Variants in LRRC4C observed in about 807,000 individuals in gnomAD.
LRRC4C encodes the protein leucine-rich repeat-containing protein 4C.
LRRC4C carries 5 observed loss-of-function variants against 33.6 expected under a neutral mutation model. That is an observed-to-expected ratio of 0.15 (90% CI 0.08 to 0.31). The LOEUF is 0.31. Ranked by LOEUF, LRRC4C falls within the 10% of genes least tolerant of loss-of-function variation. LRRC4C has a pLI of 1.00. For synonymous variants in LRRC4C, 329 were observed against 302.0 expected (o/e 1.09, Z -0.93); for missense variants, 560 against 796.7 (o/e 0.70, Z 3.58).
At chr11:41,164,999 A>T (rs1187479696) in intron 1 of LRRC4C, among the ~76,000 whole-genome samples, 1 of 152,084 alleles carries the variant, frequency 6.6e-6, no homozygotes, top group African/African-American at 2.4e-5. Context: ...GCTCTCCATT[A>T]TCTCAAGTAG....
intron 1 of LRRC4C, among the ~76,000 whole-genome samples, chr11:41,401,060 T>A (rs1296964552): frequency 3.3e-5 from 5 of 151,778 alleles, no homozygotes; most frequent in Non-Finnish European, 5.9e-5. Context: ...TATTGTAATA[T>A]GATAAAGAGA....
intron 2 of LRRC4C, among the ~76,000 whole-genome samples, chr11:40,683,068 C>A (rs554354952): frequency 1.3e-5 from 2 of 152,152 alleles, no homozygotes; most frequent in Non-Finnish European, 2.9e-5. Context: ...TGATAACATA[C>A]GAGGAGAATA....
At chr11:40,939,079 A>G (rs1421328086) in intron 1 of LRRC4C, among the ~76,000 whole-genome samples, 2 of 152,196 alleles carry the variant, frequency 1.3e-5, no homozygotes, top group Non-Finnish European at 2.9e-5. Flanking sequence ...TTATTCTGTG[A>G]TGATACATAT....
At chr11:40,409,740 A>G (rs1392179423) in intron 3 of LRRC4C, among the ~76,000 whole-genome samples, 1 of 152,038 alleles carries the variant, frequency 6.6e-6, no homozygotes, top group East Asian at 1.9e-4. Context: ...AACACGGTTT[A>G]GAAATGATGT....
intron 3 of LRRC4C, among the ~76,000 whole-genome samples, chr11:40,563,336 C>T (rs998446859): frequency 5.3e-5 from 8 of 152,080 alleles, no homozygotes; most frequent in Non-Finnish European, 1.0e-4. Context: ...CTAATGATTA[C>T]ACTGTTGGTA....
intron 2 of LRRC4C, among the ~76,000 whole-genome samples, chr11:40,781,681 T>A (rs1259995778): frequency 1.3e-5 from 2 of 152,190 alleles, no homozygotes; most frequent in Non-Finnish European, 2.9e-5. Context: ...CCCTTGCCAA[T>A]ATTTTCATTT....
chr11:41,006,371 T>C (rs2137457473), intron 1 of LRRC4C, among the ~76,000 whole-genome samples: 1 of 152,324 alleles, frequency 6.6e-6, no homozygotes, highest in Admixed American at 6.5e-5. Flanking sequence ...TTGCAGAGTC[T>C]TACCCCAGTG....
chr11:41,384,267 C>A (rs1212246006), intron 1 of LRRC4C, among the ~76,000 whole-genome samples: 1 of 151,834 alleles, frequency 6.6e-6, no homozygotes. Flanking sequence ...ATAAATAATG[C>A]ACACTCAAGC....
In LRRC4C at chr11:40,911,846, C is replaced by T. The variant is rs189647377; in HGVS notation, c.-407+21789G>A. On this transcript the variant is annotated intron_variant, in intron 2 of 6. Coordinates refer to ENST00000528697, the MANE Select transcript of LRRC4C (RefSeq NM_001258419.2). ...CTAGAATAACCAATGCAGAGAAGTC[C>T]TTCAAGGACCTGATGGAGCTGAAAA... Among the ~76,000 whole-genome samples, 107 of 152,272 alleles carry T rather than the reference C, an allele frequency of 7.0e-4. 1 individual carries two copies. Among genetic ancestry groups the T allele is most frequent in the African/African-American group, 2.4e-3 (99 of 41,552 alleles).
intron 3 of LRRC4C, among the ~76,000 whole-genome samples, chr11:40,523,596 T>A (rs1191684818): frequency 1.5e-5 from 1 of 68,928 alleles, no homozygotes; most frequent in Admixed American, 2.5e-4. Context: ...ATATAATATG[T>A]AATCTATTAT....
chr11:41,380,127 T>C lies in LRRC4C; in HGVS notation c.-496+79304A>G, dbSNP rs150743873. On this transcript the variant is annotated intron_variant, in intron 1 of 6. Coordinates refer to ENST00000528697, the MANE Select transcript of LRRC4C (RefSeq NM_001258419.2). ...AGTTCAAGATTGAGAAAGCACAGCT[T>C]TAGAGTAGCTAATTTAAAAATAGAG... 3.6e-3 allele frequency among the ~76,000 whole-genome samples: 551 copies of C among 152,198 alleles called. 4 individuals carry two copies. The highest frequency in any genetic ancestry group is 9.8e-3 in the African/African-American group (406 of 41,556).
At position 40,339,746 on chromosome 11, in the gene LRRC4C, T is replaced by A. The variant is rs117254417; in HGVS notation, c.-269-20025A>T. ...CCGTAAAAAGGTTTAGTATTGAACCTGTTTTAGGTAAACAGCTGGGCAGTT... is the reference window on the plus strand; with the variant it reads ...CCGTAAAAAGGTTTAGTATTGAACCAGTTTTAGGTAAACAGCTGGGCAGTT... On this transcript the variant is annotated intron_variant, in intron 3 of 6. Coordinates refer to ENST00000528697, the MANE Select transcript of LRRC4C (RefSeq NM_001258419.2). Among the ~76,000 whole-genome samples the A allele has an allele frequency of 2.6e-5, 4 of 152,358 alleles. No homozygotes were observed. The East Asian group carries it at 7.7e-4, about 29-fold the overall frequency.
intron 1 of LRRC4C, among the ~76,000 whole-genome samples, chr11:41,018,327 C>A (rs2137631921): frequency 6.6e-6 from 1 of 152,232 alleles, no homozygotes; most frequent in African/African-American, 2.4e-5. Flanking sequence ...GCACCAAAAT[C>A]TTTCTTAGAG....
intron 3 of LRRC4C, among the ~76,000 whole-genome samples, chr11:40,578,168 T>TTTTTTTTTTTTTTTA (rs1591161889): frequency 2.2e-5 from 3 of 137,016 alleles, no homozygotes; most frequent in Non-Finnish European, 4.7e-5. Flanking sequence ...TTTTTTTTTT[T>TTTTTTTTTTTTTTTA]TTGCCTCTTA....
chr11:40,248,031 G>C (rs766483350), intron 4 of LRRC4C, among the ~76,000 whole-genome samples: 3 of 152,096 alleles, frequency 2.0e-5, no homozygotes, highest in African/African-American at 7.2e-5. Context: ...ATCGTGAATC[G>C]AGGTATACCA....
At chr11:40,774,631 A>G (rs1253712811) in intron 2 of LRRC4C, among the ~76,000 whole-genome samples, 2 of 152,212 alleles carry the variant, frequency 1.3e-5, no homozygotes, top group Non-Finnish European at 2.9e-5. Flanking sequence ...GTGAAGAATC[A>G]TCAAAACCAT....
intron 1 of LRRC4C, among the ~76,000 whole-genome samples, chr11:41,428,799 A>G (rs1182196729): frequency 6.6e-6 from 1 of 152,136 alleles, no homozygotes; most frequent in African/African-American, 2.4e-5. Context: ...CTTGACATTG[A>G]ATACACTAGC....
intron 3 of LRRC4C, among the ~76,000 whole-genome samples, chr11:40,419,874 C>A (rs952284562): frequency 6.6e-6 from 1 of 152,156 alleles, no homozygotes. Flanking sequence ...AGGAAGTGAG[C>A]ATCTCAAAAG....
At chr11:40,883,640 T>A (rs994756938) in intron 2 of LRRC4C, among the ~76,000 whole-genome samples, 1 of 151,906 alleles carries the variant, frequency 6.6e-6, no homozygotes, top group African/African-American at 2.4e-5. Context: ...TAAACATATA[T>A]AATTAAATAT....
Sources: gnomAD v4.1 joint callset for allele counts (sites outside exome capture counted in the v4.1 genomes callset) on GRCh38, gnomAD v4.1.1 for gene constraint, MANE v1.5 for transcripts, NCBI Gene and HGNC (gene_info 2026-07-23, HGNC 2026-07-21) for gene names.